Variants in AEBP2 observed in about 807,000 individuals in gnomAD.
AEBP2 encodes the protein AE binding protein 2.
Under a neutral mutation model 50.8 loss-of-function variants are expected in AEBP2, and 10 were observed. That is an observed-to-expected ratio of 0.20 (90% CI 0.12 to 0.33). The LOEUF is 0.33. Ranked by LOEUF, AEBP2 falls within the 10% of genes least tolerant of loss-of-function variation. The pLI is 1.00. For synonymous variants in AEBP2, 296 were observed against 261.3 expected, an observed-to-expected ratio of 1.13 and a Z score of -1.28; for missense variants, 570 against 688.0, an observed-to-expected ratio of 0.83 and a Z score of 1.92.
intron 1 of AEBP2, chr12:19,440,611 G>A: frequency 6.8e-7 from 1 of 1,468,810 alleles, no homozygotes; most frequent in Middle Eastern, 2.5e-4. Flanking sequence ...CTTTCCCCTC[G>A]GCGCTTCGCT....
intron 1 of AEBP2, among the ~76,000 whole-genome samples, chr12:19,413,922 C>G (rs1266983571): frequency 6.7e-6 from 1 of 149,400 alleles, no homozygotes; most frequent in Non-Finnish European, 1.5e-5. Context: ...TTGAGACAGT[C>G]TCACTGTGTC....
chr12:19,496,828 A>G (rs1948989550), intron 4 of AEBP2, among the ~76,000 whole-genome samples: 1 of 150,398 alleles, frequency 6.6e-6, no homozygotes, highest in African/African-American at 2.4e-5. Context: ...CACCCAACTA[A>G]TTTTTGTATT....
chr12:19,517,293 C>A (rs1354347018), intron 7 of AEBP2, among the ~76,000 whole-genome samples: 1 of 152,082 alleles, frequency 6.6e-6, no homozygotes, highest in Admixed American at 6.6e-5. Flanking sequence ...GAAAGTATGG[C>A]AAACCTTCTG....
chr12:19,440,141 A>G lies in AEBP2; in HGVS notation c.442A>G (p.Ser148Gly). 4.0e-6 allele frequency: 6 copies of G among 1,505,454 alleles called. No individual in the cohort carries two copies. The highest frequency in any genetic ancestry group is 5.3e-6 in the Non-Finnish European group (6 of 1,133,834). 93.3% of individuals were successfully genotyped at this position (1,505,454 alleles called of 1,614,324 possible). A position where few individuals can be genotyped will look rare whatever the true frequency, so the allele number is the denominator to read the frequency against. The change falls in exon 1 of 8, where the codon AGC (serine) becomes GGC (glycine). Residue 148 changes from serine (S) to glycine (G), a missense_variant. Coordinates refer to ENST00000266508, the MANE Select transcript of AEBP2 (RefSeq NM_153207.5). ...RSLSPGAASS[S>G]SGDGDGKEGL... ...GTTGAGCCCCGGCGCCGCCAGCAGCAGCAGCGGGGATGGGGACGGCAAGGA... is the reference window on the plus strand; with the variant it reads ...GTTGAGCCCCGGCGCCGCCAGCAGCGGCAGCGGGGATGGGGACGGCAAGGA...
In AEBP2 at chr12:19,473,247, G is replaced by T. The variant is rs1403356293; in HGVS notation, c.880-1G>T. On this transcript the variant is annotated splice_acceptor_variant, in intron 2 of 7. Coordinates refer to ENST00000266508, the MANE Select transcript of AEBP2 (RefSeq NM_153207.5). LOFTEE classifies it high-confidence loss of function. ...TAATATGGTTCTGTTTTTCTTAACA[G>T]GTATTTGTTTGCTTATGGAAAGGTT... 1 of 1,426,286 alleles carries T rather than the reference G, an allele frequency of 7.0e-7. No individual in the cohort carries two copies. The allele number at this position is 1,426,286 out of a possible 1,614,324, so 88.4% of individuals were successfully genotyped here. A position where few individuals can be genotyped will look rare whatever the true frequency, so the allele number is the denominator to read the frequency against.
Position 19,499,379 on chromosome 12 carries a change from G to A in AEBP2, c.1175-718G>A, listed in dbSNP as rs377618817. On this transcript the variant is annotated intron_variant, in intron 4 of 7. Coordinates refer to ENST00000266508, the MANE Select transcript of AEBP2 (RefSeq NM_153207.5). ...TGTATACCCAGCACTTTTGGAGGCC[G>A]AGGTAGGCAGATCACATGAAGCCAG... 1.0e-3 allele frequency among the ~76,000 whole-genome samples: 152 copies of A among 152,232 alleles called. 1 individual carries two copies. Among genetic ancestry groups the A allele is most frequent in the African/African-American group, 3.5e-3 (147 of 41,546 alleles).
rs147366916 is a variant in AEBP2, at chr12:19,452,308, T to G, written c.672-10202T>G. ...GCTCCTGGCCAAAAGTGGCCATCTT[T>G]AAAAAAATACGATCTCACACAAGCA... On this transcript the variant is annotated intron_variant, in intron 1 of 7. Transcript: ENST00000266508. Among the ~76,000 whole-genome samples the G allele has an allele frequency of 4.0e-5, 6 of 151,614 alleles. No homozygotes were observed. The East Asian group carries it at 1.2e-3, about 30-fold the overall frequency.
At chr12:19,425,773 C>CAAAAAA (rs11317571) in intron 1 of AEBP2, among the ~76,000 whole-genome samples, 1 of 47,888 alleles carries the variant, frequency 2.1e-5, no homozygotes. Flanking sequence ...GACTCCATCT[C>CAAAAAA]AAAAAAAAAA....
intron 5 of AEBP2, among the ~76,000 whole-genome samples, chr12:19,506,142 G>A (rs1328443921): frequency 1.3e-5 from 2 of 151,614 alleles, no homozygotes; most frequent in East Asian, 1.9e-4. Flanking sequence ...TGTCACCCAG[G>A]CCGGAGTGCA....
At chr12:19,497,715 G>T (rs1013710903) in intron 4 of AEBP2, among the ~76,000 whole-genome samples, 1 of 151,936 alleles carries the variant, frequency 6.6e-6, no homozygotes, top group Admixed American at 6.6e-5. Context: ...CAAGTGATCC[G>T]CCTCCTGCCT....
intron 4 of AEBP2, among the ~76,000 whole-genome samples, chr12:19,494,298 A>G (rs1190852916): frequency 6.6e-6 from 1 of 152,120 alleles, no homozygotes; most frequent in East Asian, 1.9e-4. Flanking sequence ...AACATGTTAA[A>G]AGTAAATATC....
chr12:19,491,982 A>G (rs1288948789), intron 3 of AEBP2, among the ~76,000 whole-genome samples: 1 of 151,640 alleles, frequency 6.6e-6, no homozygotes, highest in Non-Finnish European at 1.5e-5. Context: ...CTGTGTTGTG[A>G]TTTTAGCAGC....
At chr12:19,477,904 C>G (rs536563251) in intron 3 of AEBP2, among the ~76,000 whole-genome samples, 1 of 152,176 alleles carries the variant, frequency 6.6e-6, no homozygotes, top group Non-Finnish European at 1.5e-5. Flanking sequence ...GTGAATCCAA[C>G]TGGTCCCAGA....
chr12:19,410,756 A>G (rs1176023269), intron 1 of AEBP2, among the ~76,000 whole-genome samples: 1 of 152,216 alleles, frequency 6.6e-6, no homozygotes, highest in Non-Finnish European at 1.5e-5. Flanking sequence ...TCTGGAAATA[A>G]TCAGGATGGT....
At chr12:19,496,377 A>G (rs566830843) in intron 4 of AEBP2, among the ~76,000 whole-genome samples, 1 of 152,268 alleles carries the variant, frequency 6.6e-6, no homozygotes, top group African/African-American at 2.4e-5. Context: ...GAATGGGGTT[A>G]GTCCTGAATA....
intron 1 of AEBP2, among the ~76,000 whole-genome samples, chr12:19,434,364 G>A (rs1310092286): frequency 1.3e-5 from 2 of 151,800 alleles, no homozygotes; most frequent in African/African-American, 2.4e-5. Context: ...GTAGAAATGG[G>A]GTTTCTCCAT....
chr12:19,460,403 G>A (rs928932784), intron 1 of AEBP2, among the ~76,000 whole-genome samples: 90 of 152,204 alleles, frequency 5.9e-4, no homozygotes, highest in African/African-American at 2.1e-3. Context: ...GTGCAGTGGC[G>A]TTACCTTGGC....
chr12:19,484,341 G>T (rs1181823599), intron 3 of AEBP2, among the ~76,000 whole-genome samples: 1 of 142,138 alleles, frequency 7.0e-6, no homozygotes, highest in Non-Finnish European at 1.5e-5. Flanking sequence ...CTGGTGATCC[G>T]CCTCCCCTTG....
At chr12:19,457,280 T>C (rs570701174) in intron 1 of AEBP2, 2 of 1,573,582 alleles carry the variant, frequency 1.3e-6, no homozygotes, top group South Asian at 1.1e-5. Context: ...TCACCAACAC[T>C]GGCAGCAACA....
Sources: gnomAD v4.1 joint callset for allele counts (sites outside exome capture counted in the v4.1 genomes callset) on GRCh38, gnomAD v4.1.1 for gene constraint, MANE v1.5 for transcripts, NCBI Gene and HGNC (gene_info 2026-07-23, HGNC 2026-07-21) for gene names.